Variants in SLC35D4 observed in about 807,000 individuals in gnomAD.
SLC35D4 encodes the protein UDP-N-acetylglucosamine transporter SLC35D4.
At chr18:23,267,195 G>A in the SLC35D4 span, among the ~76,000 whole-genome samples, 1 of 152,212 alleles carries the variant, frequency 6.6e-6, no homozygotes, top group East Asian at 1.9e-4. Context: ...GAGACGCGAT[G>A]TGGCCTCACC....
chr18:23,410,410 A>G, the SLC35D4 span, among the ~76,000 whole-genome samples: 2 of 151,536 alleles, frequency 1.3e-5, no homozygotes, highest in African/African-American at 2.4e-5. Context: ...CCCGGGAGGC[A>G]GAGCTTGCAG....
the SLC35D4 span, among the ~76,000 whole-genome samples, chr18:23,428,851 C>T: frequency 6.6e-6 from 1 of 152,318 alleles, no homozygotes; most frequent in Non-Finnish European, 1.5e-5. Flanking sequence ...CTAACTCTCC[C>T]CTTGGGGAAT....
chr18:23,247,789 G>C, the SLC35D4 span, among the ~76,000 whole-genome samples: 1 of 152,226 alleles, frequency 6.6e-6, no homozygotes, highest in South Asian at 2.1e-4. Flanking sequence ...CAGGAGGCCA[G>C]GACAGAAGGC....
chr18:23,381,952 T>C, the SLC35D4 span, among the ~76,000 whole-genome samples: 21 of 152,140 alleles, frequency 1.4e-4, no homozygotes, highest in African/African-American at 5.1e-4. Context: ...CATAAGAAAG[T>C]ATCCCAGCCA....
the SLC35D4 span, among the ~76,000 whole-genome samples, chr18:23,272,286 T>C: frequency 6.6e-6 from 1 of 152,056 alleles, no homozygotes; most frequent in African/African-American, 2.4e-5. Context: ...ACCCCTTGCA[T>C]GGAAGCCACC....
chr18:23,254,786 C>T, the SLC35D4 span, among the ~76,000 whole-genome samples: 1 of 152,164 alleles, frequency 6.6e-6, no homozygotes, highest in Admixed American at 6.5e-5. Flanking sequence ...ACTCCATGCC[C>T]AGGACCTCAT....
chr18:23,253,978 C>T, the SLC35D4 span: 20 of 1,553,792 alleles, frequency 1.3e-5, no homozygotes, highest in Middle Eastern at 1.7e-4. Context: ...GCACATGCTC[C>T]GGTCCGGGGT....
At chr18:23,394,442 T>G in the SLC35D4 span, among the ~76,000 whole-genome samples, 1 of 152,260 alleles carries the variant, frequency 6.6e-6, no homozygotes, top group Admixed American at 6.5e-5. Context: ...GTTCTCTATA[T>G]AGCCTATAAG....
chr18:23,405,774 C>T, the SLC35D4 span, among the ~76,000 whole-genome samples: 1 of 152,136 alleles, frequency 6.6e-6, no homozygotes, highest in Non-Finnish European at 1.5e-5. Context: ...GAACTGTTGA[C>T]ACTTATTCCT....
chr18:23,308,360 A>G, the SLC35D4 span, among the ~76,000 whole-genome samples: 20 of 152,136 alleles, frequency 1.3e-4, no homozygotes, highest in Non-Finnish European at 2.2e-4. Context: ...CTGTGGTCCA[A>G]CAGGCACCTC....
the SLC35D4 span, among the ~76,000 whole-genome samples, chr18:23,375,844 T>G: frequency 1.3e-5 from 2 of 152,200 alleles, no homozygotes; most frequent in African/African-American, 4.8e-5. Context: ...CCTCACTCAT[T>G]AGAAAGTCAA....
chr18:23,322,487 G>A, the SLC35D4 span, among the ~76,000 whole-genome samples: 1 of 152,172 alleles, frequency 6.6e-6, no homozygotes, highest in African/African-American at 2.4e-5. Context: ...AATCTTCCTG[G>A]CACAGTTATG....
chr18:23,309,065 T>C, the SLC35D4 span, among the ~76,000 whole-genome samples: 7 of 152,170 alleles, frequency 4.6e-5, no homozygotes, highest in Non-Finnish European at 1.5e-5. Flanking sequence ...ACAATGTAAA[T>C]GCTATGTAAA....
the SLC35D4 span, among the ~76,000 whole-genome samples, chr18:23,266,314 C>A: frequency 6.8e-6 from 1 of 146,604 alleles, no homozygotes; most frequent in Non-Finnish European, 1.5e-5. Flanking sequence ...GAAGATGGCA[C>A]AGTAAACCCC....
the SLC35D4 span, among the ~76,000 whole-genome samples, chr18:23,239,131 G>A: frequency 6.6e-6 from 1 of 152,124 alleles, no homozygotes; most frequent in African/African-American, 2.4e-5. Context: ...GTTCCAGGCC[G>A]CAGTATGTGT....
chr18:23,288,625 G>A, the SLC35D4 span, among the ~76,000 whole-genome samples: 1 of 151,978 alleles, frequency 6.6e-6, no homozygotes, highest in African/African-American at 2.4e-5. Context: ...ATACCTCTTG[G>A]TCTAGGTAGA....
At chr18:23,414,452 C>T in the SLC35D4 span, among the ~76,000 whole-genome samples, 1 of 150,960 alleles carries the variant, frequency 6.6e-6, no homozygotes, top group Non-Finnish European at 1.5e-5. Context: ...GCGGGTGGAT[C>T]ACCTGAGGTC....
chr18:23,298,088 T>A, the SLC35D4 span: 1 of 1,613,512 alleles, frequency 6.2e-7, no homozygotes, highest in East Asian at 2.2e-5. Flanking sequence ...CAGCAGAAGG[T>A]CAGCTCTCCA....
chr18:23,244,879 G>A, the SLC35D4 span, among the ~76,000 whole-genome samples: 1 of 152,214 alleles, frequency 6.6e-6, no homozygotes, highest in Non-Finnish European at 1.5e-5. Flanking sequence ...GCTCACATCT[G>A]CTTAGAACTG....
Sources: allele counts gnomAD v4.1 joint callset (sites outside exome capture counted in the v4.1 genomes callset), GRCh38; gene constraint gnomAD v4.1.1; transcripts MANE v1.5; gene names NCBI Gene and HGNC (gene_info 2026-07-23, HGNC 2026-07-21).